Variants in PCDH11X observed in about 807,000 individuals in gnomAD.
PCDH11X encodes protocadherin 11 X-linked.
In PCDH11X, 18 loss-of-function variants were observed where a neutral mutation model predicts 53.3. The observed-to-expected ratio is 0.34, with a 90% CI of 0.23 to 0.50. PCDH11X has a LOEUF of 0.50. Ranked by LOEUF, PCDH11X falls within the 20% of genes least tolerant of loss-of-function variation. The pLI is 0.98. For synonymous variants in PCDH11X, 279 were observed against 393.3 expected (o/e 0.71, Z 3.44); for missense variants, 570 against 1,032.4 (o/e 0.55, Z 6.14).
At chrX:91,795,895 A>G (rs1935717414) in intron 1 of PCDH11X, among the ~76,000 whole-genome samples, 1 of 111,614 alleles carries the variant, frequency 9.0e-6, no homozygotes, top group Admixed American at 9.6e-5. Flanking sequence ...CAATCATCCA[A>G]TTTATGGAAC....
chrX:91,893,347 A>ATTTT (rs58312535), intron 6 of PCDH11X, among the ~76,000 whole-genome samples: 1 of 88,683 alleles, frequency 1.1e-5, no homozygotes, highest in South Asian at 5.4e-4. Flanking sequence ...AGAGAACCGC[A>ATTTT]TTTTTTTTTT....
At chrX:92,462,522 G>A (rs1024812003) in intron 9 of PCDH11X, among the ~76,000 whole-genome samples, 7 of 110,784 alleles carry the variant, frequency 6.3e-5, no homozygotes, top group African/African-American at 2.3e-4. Context: ...AAACATTTTG[G>A]ATAGCTTAAA....
At chrX:91,913,838 C>T (rs935759936) in intron 6 of PCDH11X, among the ~76,000 whole-genome samples, 1 of 110,169 alleles carries the variant, frequency 9.1e-6, no homozygotes, top group African/African-American at 3.3e-5. Context: ...ACCCTGATCC[C>T]AGGAAGGAGA....
Position 92,449,852 on chromosome X carries a change from T to A in PCDH11X, c.3344-18447T>A, listed in dbSNP as rs1162563771. Among the ~76,000 whole-genome samples the A allele has an allele frequency of 3.6e-5, 4 of 110,974 alleles. No individual in the cohort carries two copies. The South Asian group carries it at 1.5e-3, about 42-fold the overall frequency. On this transcript the variant is annotated intron_variant, in intron 9 of 10. Transcript: ENST00000682573. ...TTAACAGGAATGAAAATAGTATTTATGTCAGAGAGTTGTTGAAATGATAAA... is the reference window on the plus strand; with the variant it reads ...TTAACAGGAATGAAAATAGTATTTAAGTCAGAGAGTTGTTGAAATGATAAA...
intron 7 of PCDH11X, among the ~76,000 whole-genome samples, chrX:92,251,102 T>C (rs2067453502): frequency 9.0e-6 from 1 of 111,066 alleles, no homozygotes; most frequent in Admixed American, 9.7e-5. Flanking sequence ...AGTTAATTAA[T>C]TTTTTTAATG....
intron 10 of PCDH11X, among the ~76,000 whole-genome samples, chrX:92,475,214 T>C (rs2073356989): frequency 9.5e-6 from 1 of 104,718 alleles, no homozygotes; most frequent in Non-Finnish European, 1.9e-5. Flanking sequence ...CACACCAAAG[T>C]TACAGTGTTA....
intron 6 of PCDH11X, among the ~76,000 whole-genome samples, chrX:91,940,477 G>T (rs2061495677): frequency 1.8e-5 from 2 of 111,523 alleles, no homozygotes; most frequent in Admixed American, 1.9e-4. Context: ...ATATAGAAGT[G>T]TGTGTGTGCA....
chrX:91,942,624 A>C (rs1371635302), intron 6 of PCDH11X, among the ~76,000 whole-genome samples: 2 of 111,074 alleles, frequency 1.8e-5, no homozygotes, highest in African/African-American at 6.5e-5. Context: ...AATTCTACTA[A>C]GTGTTTAAAG....
intron 6 of PCDH11X, among the ~76,000 whole-genome samples, chrX:91,993,159 C>T (rs893159928): frequency 1.8e-5 from 2 of 112,071 alleles, no homozygotes; most frequent in African/African-American, 6.5e-5. Flanking sequence ...CATTTGCATG[C>T]ATAACTAAGC....
chrX:92,538,455 T>G (rs192660521), intron 10 of PCDH11X, among the ~76,000 whole-genome samples: 230 of 111,180 alleles, frequency 2.1e-3, no homozygotes, highest in African/African-American at 7.1e-3. Flanking sequence ...ATTCTTTTCT[T>G]TCTTTTACCC....
chrX:91,861,764 A>T (rs1297770714), intron 5 of PCDH11X, among the ~76,000 whole-genome samples: 1 of 111,764 alleles, frequency 8.9e-6, no homozygotes, highest in Non-Finnish European at 1.9e-5. Context: ...ATCGGTTGAA[A>T]AAGCATGATT....
chrX:91,981,679 T>C (rs1240900418), intron 6 of PCDH11X, among the ~76,000 whole-genome samples: 6 of 110,757 alleles, frequency 5.4e-5, no homozygotes, highest in Non-Finnish European at 3.8e-5. Flanking sequence ...TCCACATGGC[T>C]GGGGAAGCCT....
At chrX:92,373,719 A>C (rs2070678566) in intron 8 of PCDH11X, among the ~76,000 whole-genome samples, 2 of 111,876 alleles carry the variant, frequency 1.8e-5, no homozygotes, top group South Asian at 7.4e-4. Flanking sequence ...ATTTTTTTAA[A>C]CAGCTCATTA....
Position 92,473,379 on chromosome X carries a change from G to C in PCDH11X, c.3367+5057G>C, listed in dbSNP as rs191568412. 2.8e-3 allele frequency among the ~76,000 whole-genome samples: 317 copies of C among 111,307 alleles called. 2 individuals carry two copies. The highest frequency in any genetic ancestry group is 9.9e-3 in the African/African-American group (304 of 30,696). ...GTCTGGCTAAAGGCTTGTCAATTTTGTTTAAATTTAACAAAACAACCTTTT... is the reference window on the plus strand; with the variant it reads ...GTCTGGCTAAAGGCTTGTCAATTTTCTTTAAATTTAACAAAACAACCTTTT... On this transcript the variant is annotated intron_variant, in intron 10 of 10. Coordinates refer to ENST00000682573, the MANE Select transcript of PCDH11X (RefSeq NM_032968.5).
chrX:91,840,636 C>A (rs2147630673), intron 5 of PCDH11X, among the ~76,000 whole-genome samples: 1 of 111,469 alleles, frequency 9.0e-6, no homozygotes, highest in Admixed American at 9.6e-5. Flanking sequence ...TCTCACCTAC[C>A]ACAAGATTTA....
chrX:92,406,109 A>AG, intron 9 of PCDH11X, among the ~76,000 whole-genome samples: 1 of 107,732 alleles, frequency 9.3e-6, no homozygotes, highest in East Asian at 2.9e-4. Flanking sequence ...AAAAAAAAAA[A>AG]AAAAAAAAGC....
chrX:92,298,112 G>A (rs1312009462), intron 8 of PCDH11X, among the ~76,000 whole-genome samples: 1 of 111,695 alleles, frequency 9.0e-6, no homozygotes. Context: ...TTGACTTGCT[G>A]TCATCCTATT....
intron 8 of PCDH11X, among the ~76,000 whole-genome samples, chrX:92,314,860 A>G (rs1263548417): frequency 8.9e-6 from 1 of 111,989 alleles, no homozygotes; most frequent in African/African-American, 3.2e-5. Flanking sequence ...TAAATAGGTC[A>G]GTAAGATTGT....
chrX:92,526,370 G>A (rs576370051), intron 10 of PCDH11X, among the ~76,000 whole-genome samples: 2 of 108,123 alleles, frequency 1.8e-5, no homozygotes, highest in Non-Finnish European at 3.8e-5. Flanking sequence ...GCCATTGTTC[G>A]CACACTACCC....
Sources: gnomAD v4.1 joint callset for allele counts (sites outside exome capture counted in the v4.1 genomes callset) on GRCh38, gnomAD v4.1.1 for gene constraint, MANE v1.5 for transcripts, NCBI Gene and HGNC (gene_info 2026-07-23, HGNC 2026-07-21) for gene names.